PYGB: variants seen among roughly 807,000 people sequenced by gnomAD.
The protein encoded by PYGB is glycogen phosphorylase, brain form.
In PYGB, 82 loss-of-function variants were observed where a neutral mutation model predicts 94.3. The ratio of observed to expected loss-of-function variants is 0.87; its 90% confidence interval spans 0.73 to 1.04. PYGB has a LOEUF of 1.04. PYGB is among the 50% of genes least tolerant of loss of function. PYGB has a pLI of 0.00. For missense variants in PYGB, 1,132 were observed against 1,158.2 expected (o/e 0.98, Z 0.33); for synonymous variants, 488 against 479.1 (o/e 1.02, Z -0.24).
Position 25,294,162 on chromosome 20 carries a change from A to C in PYGB, c.2182A>C (p.Asn728His), listed in dbSNP as rs2088502649. Residue 728 changes from asparagine (N) to histidine (H), a missense_variant, in exon 18 of 20, where the codon AAT (asparagine) becomes CAT (histidine). Asn to His is a moderately conservative substitution (Grantham distance 68). Coordinates refer to ENST00000216962, the MANE Select transcript of PYGB (RefSeq NM_002862.4). ...TCCTGGCCCATCGCCTCACAGGTAC[A>C]ATGCCAGGGAGTACTACGACCACCT... is the stretch of plus-strand genomic sequence containing the variant. Reference protein sequence around the residue: ...DVEALDRKGYNAREYYDHLPE... With the variant: ...DVEALDRKGYHAREYYDHLPE... 1 of 1,613,510 alleles carries C rather than the reference A, an allele frequency of 6.2e-7. No individual in the cohort carries two copies. The highest frequency in any genetic ancestry group is 1.3e-5 in the African/African-American group (1 of 74,936).
intron 1 of PYGB, among the ~76,000 whole-genome samples, chr20:25,254,369 G>A (rs1322872619): frequency 2.6e-5 from 4 of 151,988 alleles, no homozygotes; most frequent in Admixed American, 1.3e-4. Flanking sequence ...ATTATTAAAC[G>A]GATCAAAGCT....
Position 25,248,424 on chromosome 20 carries a change from G to A in PYGB, c.243+3G>A. On this transcript the variant is annotated splice_donor_region_variant and intron_variant, in intron 1 of 19. Coordinates refer to ENST00000216962, the MANE Select transcript of PYGB (RefSeq NM_002862.4). ...ACTACTACGAGCGCGACCCCAAGGT[G>A]AGGCGCTGCCCCGCCCTGTGCGCCC... 1 of 1,506,582 alleles carries A rather than the reference G, an allele frequency of 6.6e-7. No homozygotes were observed. Among genetic ancestry groups the A allele is most frequent in the Non-Finnish European group, 8.9e-7 (1 of 1,123,886 alleles). 93.3% of individuals were successfully genotyped at this position (1,506,582 alleles called of 1,614,324 possible). A position where few individuals can be genotyped will look rare whatever the true frequency, so the allele number is the denominator to read the frequency against.
intron 2 of PYGB, among the ~76,000 whole-genome samples, chr20:25,266,244 A>G (rs1455641502): frequency 8.0e-6 from 1 of 125,542 alleles, no homozygotes; most frequent in African/African-American, 3.3e-5. Flanking sequence ...TGTCATATAG[A>G]TCAATTGATT....
intron 1 of PYGB, among the ~76,000 whole-genome samples, chr20:25,258,265 G>C (rs755524288): frequency 3.9e-5 from 6 of 152,160 alleles, no homozygotes; most frequent in African/African-American, 1.2e-4. Flanking sequence ...ACATGGTGCC[G>C]GTCAGCGTGG....
At chr20:25,282,458 C>T (rs564608863) in intron 12 of PYGB, among the ~76,000 whole-genome samples, 1 of 152,346 alleles carries the variant, frequency 6.6e-6, no homozygotes, top group Admixed American at 6.5e-5. Context: ...CTAGGCTGGG[C>T]ACCTATTTCC....
At chr20:25,252,717 T>C (rs1440974682) in intron 1 of PYGB, among the ~76,000 whole-genome samples, 6 of 152,256 alleles carry the variant, frequency 3.9e-5, no homozygotes, top group African/African-American at 1.4e-4. Flanking sequence ...CAGGTGCCAC[T>C]GTCCCAGCAC....
intron 1 of PYGB, among the ~76,000 whole-genome samples, chr20:25,250,583 G>A (rs151135934): frequency 6.6e-6 from 1 of 152,278 alleles, no homozygotes; most frequent in African/African-American, 2.4e-5. Flanking sequence ...AAATAAGCTT[G>A]CAATCCTTTC....
intron 2 of PYGB, among the ~76,000 whole-genome samples, chr20:25,261,043 C>T (rs1419799213): frequency 6.6e-6 from 1 of 152,216 alleles, no homozygotes; most frequent in Non-Finnish European, 1.5e-5. Context: ...GTAGACTCCA[C>T]CTCTGGGGGC....
At chr20:25,254,043 G>T (rs1054961727) in intron 1 of PYGB, among the ~76,000 whole-genome samples, 1 of 148,662 alleles carries the variant, frequency 6.7e-6, no homozygotes, top group Non-Finnish European at 1.5e-5. Flanking sequence ...CTGCATTCCA[G>T]CCTGGGCAAC....
chr20:25,293,833 G>A (rs2088498326), intron 17 of PYGB: 2 of 368,268 alleles, frequency 5.4e-6, no homozygotes, highest in Admixed American at 4.5e-5. Context: ...ATTTCACAGT[G>A]AGCCAAGTTC....
chr20:25,267,186 A>C (rs1024234018), intron 2 of PYGB, among the ~76,000 whole-genome samples: 1 of 152,250 alleles, frequency 6.6e-6, no homozygotes, highest in Non-Finnish European at 1.5e-5. Context: ...CACATGGCAC[A>C]ACATGGATGA....
At chr20:25,259,183 T>A in intron 1 of PYGB, 54 bp from the exon 2 acceptor site, 1 of 1,461,244 alleles carries the variant, frequency 6.8e-7, no homozygotes. Context: ...CTCTGTAACC[T>A]TCCTAAAGTG....
chr20:25,269,578 C>G (rs538925992), intron 3 of PYGB, among the ~76,000 whole-genome samples: 83 of 152,304 alleles, frequency 5.4e-4, no homozygotes, highest in African/African-American at 1.9e-3. Flanking sequence ...GCAGTTTCAA[C>G]TCTGATACAG....
rs2088312687 is a variant in PYGB, at chr20:25,276,564, G to A, written c.661-82G>A. 4 of 1,196,562 alleles carry A rather than the reference G, an allele frequency of 3.3e-6. No individual in the cohort carries two copies. The East Asian group carries it at 9.5e-5, about 28-fold the overall frequency. 74.1% of individuals were successfully genotyped at this position (1,196,562 alleles called of 1,614,324 possible). On this transcript the variant is annotated intron_variant, in intron 5 of 19. Transcript: ENST00000216962. ...GGGCCAGCAGGGCGCCAGGTGCCCA[G>A]GAGGAGGCTGGGCCGGGGAGAGGCA...
Position 25,290,562 on chromosome 20 carries a change from G to C in PYGB, c.1909G>C (p.Val637Leu). ...CGACGTCGTCAATCATGACCCAGTTGTGGGTGACAGGTTGAAAGTGATCTT... is the reference window on the plus strand; with the variant it reads ...CGACGTCGTCAATCATGACCCAGTTCTGGGTGACAGGTTGAAAGTGATCTT... ...IGDVVNHDPV[V>L]GDRLKVIFLE... Residue 637 changes from valine to leucine, a missense_variant, in exon 16 of 20, where the codon GTG (valine) becomes CTG (leucine). By Grantham distance (32) the Val-to-Leu change is conservative (BLOSUM62 1). Coordinates refer to ENST00000216962, the MANE Select transcript of PYGB (RefSeq NM_002862.4). The C allele has an allele frequency of 6.2e-7, 1 of 1,611,278 alleles. No individual in the cohort carries two copies. The highest frequency in any genetic ancestry group is 8.5e-7 in the Non-Finnish European group (1 of 1,177,522).
intron 14 of PYGB, among the ~76,000 whole-genome samples, chr20:25,287,227 C>T (rs1033501414): frequency 5.9e-5 from 9 of 152,268 alleles, no homozygotes; most frequent in Admixed American, 1.3e-4. Flanking sequence ...GGCCCTCACC[C>T]GCTGTCCCAG....
rs1380311885 is a variant in PYGB, at chr20:25,297,503, T to C, written c.*981T>C. ...TCCATTCTCCCTCCCTTTCCACCAG[T>C]GCCACAGCCTCGTCTGGAAAAAGGA... On this transcript the variant is annotated 3_prime_UTR_variant, in exon 20 of 20. Transcript: ENST00000216962. 2.0e-5 allele frequency: 3 copies of C among 152,306 alleles called. No homozygotes were observed. Among genetic ancestry groups the C allele is most frequent in the Non-Finnish European group, 4.4e-5 (3 of 68,098 alleles). The allele number at this position is 152,306 out of a possible 1,614,324, so 9.4% of individuals were successfully genotyped here. A position where few individuals can be genotyped will look rare whatever the true frequency, so the allele number is the denominator to read the frequency against.
At chr20:25,255,366 A>G (rs1359604031) in intron 1 of PYGB, among the ~76,000 whole-genome samples, 1 of 152,226 alleles carries the variant, frequency 6.6e-6, no homozygotes, top group Non-Finnish European at 1.5e-5. Context: ...AGGAGCCAGC[A>G]GGTCCAGCCC....
chr20:25,274,245 G>A (rs538817427), intron 4 of PYGB, among the ~76,000 whole-genome samples: 1 of 152,290 alleles, frequency 6.6e-6, no homozygotes, highest in South Asian at 2.1e-4. Context: ...ACATTTTCCT[G>A]TAAATAGCCT....
Sources: allele counts gnomAD v4.1 joint callset (sites outside exome capture counted in the v4.1 genomes callset), GRCh38; gene constraint gnomAD v4.1.1; transcripts MANE v1.5; gene names NCBI Gene and HGNC (gene_info 2026-07-23, HGNC 2026-07-21).